CAMSAP3: variants seen among roughly 807,000 people sequenced by gnomAD.
CAMSAP3 encodes calmodulin regulated spectrin associated protein family member 3, also known as calmodulin-regulated spectrin-associated protein 3.
A neutral mutation model predicts 112.5 loss-of-function variants in CAMSAP3; 34 were observed. The ratio of observed to expected loss-of-function variants is 0.30; its 90% CI spans 0.23 to 0.40. The LOEUF (loss-of-function observed/expected upper bound fraction) is 0.40, where lower values mean the gene tolerates loss of function less well. CAMSAP3 is among the 10% of genes least tolerant of loss of function. CAMSAP3 has a pLI of 1.00. For synonymous variants in CAMSAP3, 868 were observed against 799.8 expected (o/e 1.09, Z -1.44); for missense variants, 1,602 against 1,770.3 (o/e 0.90, Z 1.71).
intron 11 of CAMSAP3, among the ~76,000 whole-genome samples, chr19:7,613,758 C>G (rs2030632845): frequency 6.6e-6 from 1 of 152,004 alleles, no homozygotes; most frequent in African/African-American, 2.4e-5. Flanking sequence ...CTCATCCTCT[C>G]CTTCACCCCC....
At chr19:7,601,222 A>G (rs970862520) in intron 1 of CAMSAP3, among the ~76,000 whole-genome samples, 2 of 152,228 alleles carry the variant, frequency 1.3e-5, no homozygotes, top group African/African-American at 4.8e-5. Context: ...TCTTGGGTCA[A>G]TGAAATATAT....
chr19:7,615,267 C>A lies in CAMSAP3; in HGVS notation c.2755C>A (p.Arg919=). The change falls in exon 12 of 17, where the codon CGG becomes AGG. Residue 919 remains arginine, a synonymous_variant. Coordinates refer to ENST00000160298, the MANE Select transcript of CAMSAP3 (RefSeq NM_020902.2). The surrounding 1 kb of genome is among the most constrained non-coding windows in gnomAD (Gnocchi z 6.5). ...GCAGCGGCGAGCAGAGGAGGCGCGG[C>A]GGCGCAAGCAGTGGCAGGAGGTGGA... ...RQQRRAEEAR[R]RKQWQEVEKE... is the part of the protein sequence containing the mutation. The A allele has an allele frequency of 6.5e-7, 1 of 1,549,718 alleles. No individual in the cohort carries two copies. Among genetic ancestry groups the A allele is most frequent in the Non-Finnish European group, 8.7e-7 (1 of 1,146,730 alleles).
intron 14 of CAMSAP3, among the ~76,000 whole-genome samples, chr19:7,616,945 T>TTTTTTTTG (rs1555763663): frequency 9.6e-4 from 127 of 131,638 alleles, no homozygotes; most frequent in African/African-American, 3.5e-3. Flanking sequence ...TTTTTTTTTT[T>TTTTTTTTG]TTTTTTTTTT....
rs980880254 is a variant in CAMSAP3 at position 7,615,551 on chromosome 19, T to G, written c.2944T>G (p.Tyr982Asp). 1 of 1,523,726 alleles carries G rather than the reference T, an allele frequency of 6.6e-7. No individual in the cohort carries two copies. The highest frequency in any genetic ancestry group is 1.4e-5 in the African/African-American group (1 of 71,440). The allele number at this position is 1,523,726 out of a possible 1,614,324, so 94.4% of individuals were successfully genotyped here. Reference protein sequence around the residue: ...PRKGDFTRQEYERRAQLKLMD... With the variant: ...PRKGDFTRQEDERRAQLKLMD... ...GAAGGGGGACTTCACGCGGCAGGAGTACGAGCGCCGGGCCCAGCTGAAGCT... is the reference window on the plus strand; with the variant it reads ...GAAGGGGGACTTCACGCGGCAGGAGGACGAGCGCCGGGCCCAGCTGAAGCT... Residue 982 changes from tyrosine (Y) to aspartate (D), a missense_variant, in exon 13 of 17, where the codon TAC becomes GAC. Around this residue, in one of 6 missense-constraint regions of CAMSAP3, gnomAD observed 1,100 missense variants for 1,135.7 expected, o/e 0.97. Coordinates refer to ENST00000160298, the MANE Select transcript of CAMSAP3 (RefSeq NM_020902.2). The surrounding 1 kb of genome is among the most constrained non-coding windows in gnomAD (Gnocchi z 6.5).
intron 1 of CAMSAP3, among the ~76,000 whole-genome samples, chr19:7,597,515 G>T (rs905140840): frequency 2.6e-5 from 4 of 152,164 alleles, no homozygotes; most frequent in African/African-American, 9.7e-5. Flanking sequence ...AAAAGAAGGC[G>T]TTCATTCACA....
In CAMSAP3 at chr19:7,607,988, G is replaced by T; in HGVS notation, c.622-138G>T. On this transcript the variant is annotated intron_variant, in intron 4 of 16. Transcript: ENST00000160298. The surrounding 1 kb of genome is among the most constrained non-coding windows in gnomAD (Gnocchi z 4.9). The stretch of plus-strand genomic sequence containing the variant: ...GCTGCCCCTCCCCTGCTCCAGGCTG[G>T]CCCCCCAACTCTGTCTCTGGGACCC... The T allele has an allele frequency of 9.5e-7, 1 of 1,053,824 alleles. No individual in the cohort carries two copies. The highest frequency in any genetic ancestry group is 2.5e-5 in the East Asian group (1 of 40,548). The allele number at this position is 1,053,824 out of a possible 1,614,324, so 65.3% of individuals were successfully genotyped here. A position where few individuals can be genotyped will look rare whatever the true frequency, so the allele number is the denominator to read the frequency against.
chr19:7,606,843 G>T lies in CAMSAP3; in HGVS notation c.621+272G>T, dbSNP rs781020067. On this transcript the variant is annotated intron_variant, in intron 4 of 16. Coordinates refer to ENST00000160298, the MANE Select transcript of CAMSAP3 (RefSeq NM_020902.2). Reference sequence around the variant, plus strand: ...GGCTGTCTGTCCGCCCCGTCTGCCTGCCCTGCTTGTAGCTCTGTCTGTCTG... The same window carrying T: ...GGCTGTCTGTCCGCCCCGTCTGCCTTCCCTGCTTGTAGCTCTGTCTGTCTG... 5.6e-6 allele frequency: 9 copies of T among 1,611,152 alleles called. No homozygotes were observed. In the African/African-American group the frequency reaches 1.1e-4, roughly 19 times the overall value.
Position 7,617,890 on chromosome 19 carries a change from C to G in CAMSAP3, c.3583C>G (p.Pro1195Ala), listed in dbSNP as rs2030897972. Residue 1195 changes from proline to alanine, a missense_variant, in exon 17 of 17, where the codon CCC becomes GCC. Pro to Ala is a conservative substitution (Grantham distance 27). Coordinates refer to ENST00000160298, the MANE Select transcript of CAMSAP3 (RefSeq NM_020902.2). The surrounding 1 kb of genome is among the most constrained non-coding windows in gnomAD (Gnocchi z 7.5). ...AGGGTATGGGCCCCGGACCGTCACG[C>G]CCGCCATGGTGGAAGGCATCTACAA... ...LAGYGPRTVT[P>A]AMVEGIYKYN... 6.2e-7 allele frequency: 1 copy of G among 1,613,896 alleles called. No homozygotes were observed. Among genetic ancestry groups the G allele is most frequent in the Non-Finnish European group, 8.5e-7 (1 of 1,180,002 alleles).
At position 7,615,795 on chromosome 19, in the gene CAMSAP3, G is replaced by A. The variant is rs1174667815; in HGVS notation, c.3112+76G>A. ...CTGGGTGAGGCCCCCATGGGTAAGG[G>A]GGGAGGGGGAGGGAGATGTAAGCAG... On this transcript the variant is annotated intron_variant, in intron 13 of 16. Coordinates refer to ENST00000160298, the MANE Select transcript of CAMSAP3 (RefSeq NM_020902.2). This position sits in a 1 kb window ranked among gnomAD's most constrained non-coding sequence, Gnocchi z 6.5. The A allele has an allele frequency of 8.8e-7, 1 of 1,130,718 alleles. No homozygotes were observed. The highest frequency in any genetic ancestry group is 1.2e-6 in the Non-Finnish European group (1 of 863,238). 70.0% of individuals were successfully genotyped at this position (1,130,718 alleles called of 1,614,324 possible). A position where few individuals can be genotyped will look rare whatever the true frequency, so the allele number is the denominator to read the frequency against.
intron 5 of CAMSAP3, 118 bp downstream of exon 5, chr19:7,608,382 G>A (rs2030322215): frequency 7.9e-7 from 1 of 1,262,744 alleles, no homozygotes; most frequent in Non-Finnish European, 1.1e-6. Flanking sequence ...GGTCATGAGG[G>A]CAGCTTCCGG....
In CAMSAP3 at chr19:7,617,790, C is replaced by G. The variant is rs2030889186; in HGVS notation, c.3483C>G (p.Leu1161=). ...GCAAGGCCAACCACTTCCTGATCCTCTTTCGCGACTCGAGCTGCCAGTTCC... is the reference window on the plus strand; with the variant it reads ...GCAAGGCCAACCACTTCCTGATCCTGTTTCGCGACTCGAGCTGCCAGTTCC... The part of the protein sequence containing the change: ...EKSKANHFLI[L]FRDSSCQFRA... Residue 1161 remains leucine (L), a synonymous_variant, in exon 17 of 17, where the codon CTC becomes CTG. Coordinates refer to ENST00000160298, the MANE Select transcript of CAMSAP3 (RefSeq NM_020902.2). The surrounding 1 kb of genome is among the most constrained non-coding windows in gnomAD (Gnocchi z 7.5). 6.2e-7 allele frequency: 1 copy of G among 1,613,504 alleles called. No individual in the cohort carries two copies. The highest frequency in any genetic ancestry group is 1.7e-5 in the Admixed American group (1 of 59,998).
intron 2 of CAMSAP3, among the ~76,000 whole-genome samples, chr19:7,605,837 T>A (rs1456890137): frequency 6.7e-6 from 1 of 149,680 alleles, no homozygotes; most frequent in African/African-American, 2.5e-5. Flanking sequence ...CCTTAAGCTC[T>A]GTCCATCAAA....
Position 7,612,204 on chromosome 19 carries a change from A to G in CAMSAP3, c.1711A>G (p.Lys571Glu). 6.2e-7 allele frequency: 1 copy of G among 1,604,168 alleles called. No homozygotes were observed. Among genetic ancestry groups the G allele is most frequent in the Non-Finnish European group, 8.5e-7 (1 of 1,175,912 alleles). ...EVKMTSFAER[K>E]KQLVKAEAEA... is the part of the protein sequence containing the mutation. ...GAAAATGACCAGCTTTGCAGAACGC[A>G]AGAAACAGCTGGTGAAGGCAGAGGC... is the stretch of plus-strand genomic sequence containing the variant. The change falls in exon 11 of 17, where the codon AAG (lysine) becomes GAG (glutamate). Residue 571 changes from lysine to glutamate, a missense_variant. Around this residue, in one of 6 missense-constraint regions of CAMSAP3, gnomAD observed 1,100 missense variants for 1,135.7 expected, o/e 0.97. Coordinates refer to ENST00000160298, the MANE Select transcript of CAMSAP3 (RefSeq NM_020902.2).
In CAMSAP3 at chr19:7,612,242, G is replaced by C. The variant is rs755786561; in HGVS notation, c.1749G>C (p.Ala583=). ...TGAAGGCAGAGGCTGAGGCCGGAGC[G>C]GGGTCCCCCACGTCCACTCCGGCCC... The part of the protein sequence containing the change: ...QLVKAEAEAG[A]GSPTSTPAPP... The change falls in exon 11 of 17, where the codon GCG becomes GCC. Residue 583 remains alanine (A), a synonymous_variant. Transcript: ENST00000160298. 6.3e-7 allele frequency: 1 copy of C among 1,591,514 alleles called. No individual in the cohort carries two copies. Among genetic ancestry groups the C allele is most frequent in the Non-Finnish European group, 8.5e-7 (1 of 1,169,880 alleles).
Position 7,615,256 on chromosome 19 carries a change from A to G in CAMSAP3, c.2744A>G (p.Glu915Gly), listed in dbSNP as rs764935294. The change falls in exon 12 of 17, where the codon GAG becomes GGG. Residue 915 changes from glutamate (E) to glycine (G), a missense_variant. Coordinates refer to ENST00000160298, the MANE Select transcript of CAMSAP3 (RefSeq NM_020902.2). The surrounding 1 kb of genome is among the most constrained non-coding windows in gnomAD (Gnocchi z 6.5). ...CTGGAGCGGCAGCAGCGGCGAGCAG[A>G]GGAGGCGCGGCGGCGCAAGCAGTGG... ...SLLERQQRRA[E>G]EARRRKQWQE... 1 of 1,550,854 alleles carries G rather than the reference A, an allele frequency of 6.4e-7. No individual in the cohort carries two copies. Among genetic ancestry groups the G allele is most frequent in the South Asian group, 1.2e-5 (1 of 84,096 alleles).
intron 1 of CAMSAP3, among the ~76,000 whole-genome samples, chr19:7,596,417 G>A (rs1198513268): frequency 6.6e-6 from 1 of 151,746 alleles, no homozygotes; most frequent in Admixed American, 6.5e-5. Context: ...CGGCGTCCAA[G>A]CCTCCAGGTG....
In CAMSAP3 at chr19:7,617,746, G is replaced by T. The variant is rs371601266; in HGVS notation, c.3445-6G>T. 2 of 1,611,558 alleles carry T rather than the reference G, an allele frequency of 1.2e-6. No homozygotes were observed. Among genetic ancestry groups the T allele is most frequent in the East Asian group, 2.2e-5 (1 of 44,838 alleles). ...CCAGCTGACCATTTCCAGCACTCCT[G>T]CCCAGGAAATTGAGAAAAGCAAGGC... is the stretch of plus-strand genomic sequence containing the variant. On this transcript the variant is annotated splice_region_variant and splice_polypyrimidine_tract_variant and intron_variant, in intron 16 of 16. Coordinates refer to ENST00000160298, the MANE Select transcript of CAMSAP3 (RefSeq NM_020902.2). The surrounding 1 kb of genome is among the most constrained non-coding windows in gnomAD (Gnocchi z 7.5).
intron 5 of CAMSAP3, among the ~76,000 whole-genome samples, chr19:7,609,592 CA>C (rs2030374568): frequency 3.3e-5 from 5 of 152,188 alleles, no homozygotes; most frequent in Non-Finnish European, 5.9e-5. Flanking sequence ...CAGATGGAGG[CA>C]GGGAGGTGGT....
Position 7,618,035 on chromosome 19 carries a change from A to G in CAMSAP3, c.3728A>G (p.Lys1243Arg). ...WQGKKPTTPK[K>R]GGGTPK ...GGCAAGAAACCCACCACTCCCAAGA[A>G]GGGCGGCGGCACCCCCAAATAGCCC... Residue 1243 changes from lysine to arginine, a missense_variant, in exon 17 of 17, where the codon AAG (lysine) becomes AGG (arginine). Physicochemically the swap from Lys to Arg is conservative, Grantham distance 26. Around this residue, in one of 6 missense-constraint regions of CAMSAP3, gnomAD observed 150 missense variants for 207.6 expected, o/e 0.72. Transcript: ENST00000160298. The G allele has an allele frequency of 6.2e-7, 1 of 1,613,030 alleles. No homozygotes were observed. Among genetic ancestry groups the G allele is most frequent in the Non-Finnish European group, 8.5e-7 (1 of 1,179,428 alleles).
Sources: gnomAD v4.1 joint callset for allele counts (sites outside exome capture counted in the v4.1 genomes callset) on GRCh38, gnomAD v4.1.1 for gene constraint, gnomAD v4.1.1 regional missense constraint, Gnocchi (gnomAD v3.1) non-coding constraint, MANE v1.5 for transcripts, NCBI Gene and HGNC (gene_info 2026-07-23, HGNC 2026-07-21) for gene names.